The following DPEP2 variants were observed in gnomAD, a reference collection of about 807,000 sequenced individuals.
DPEP2 encodes dipeptidase 2.
Under a neutral mutation model 51.8 loss-of-function variants are expected in DPEP2, and 45 were observed. The observed-to-expected ratio is 0.87, with a 90% CI of 0.68 to 1.11. DPEP2 has a LOEUF of 1.11. Ranked by LOEUF, DPEP2 falls within the 50% of genes most tolerant of loss-of-function variation. The pLI, the probability that DPEP2 is intolerant of heterozygous loss-of-function variation, is 0.00. For missense variants in DPEP2, 604 were observed against 631.9 expected, an observed-to-expected ratio of 0.96 and a Z score of 0.47; for synonymous variants, 255 against 262.7, an observed-to-expected ratio of 0.97 and a Z score of 0.28.
chr16:67,992,200 G>T lies in DPEP2; in HGVS notation c.391-7C>A, dbSNP rs1413180898. On this transcript the variant is annotated splice_region_variant and splice_polypyrimidine_tract_variant and intron_variant, in intron 3 of 10. Transcript: ENST00000393847. ...GCACATAGGCTGACCAGAACTGGGG[G>T]GAAGGCCAGGGTTTGGCTTGGATGG... is the stretch of plus-strand genomic sequence containing the variant. The T allele has an allele frequency of 1.2e-6, 2 of 1,613,522 alleles. No homozygotes were observed. Among genetic ancestry groups the T allele is most frequent in the Non-Finnish European group, 1.7e-6 (2 of 1,179,630 alleles).
Position 67,991,331 on chromosome 16 carries a change from CAGG to C in DPEP2, c.663-150_663-148del. ...CCTGCAAATGGGCCATGCCTGGCAG[CAGG>C]AGGGCCCTGCTGGGTCCAGTCTTTT... On this transcript the variant is annotated intron_variant, in intron 5 of 10. Transcript: ENST00000393847. This position sits in a 1 kb window ranked among gnomAD's most constrained non-coding sequence, Gnocchi z 5.1. 1 of 707,926 alleles carries C rather than the reference CAGG, an allele frequency of 1.4e-6. No homozygotes were observed. The highest frequency in any genetic ancestry group is 2.3e-6 in the Non-Finnish European group (1 of 426,852). 43.9% of individuals were successfully genotyped at this position (707,926 alleles called of 1,614,324 possible). A position where few individuals can be genotyped will look rare whatever the true frequency, so the allele number is the denominator to read the frequency against.
At position 67,987,852 on chromosome 16, in the gene DPEP2, CT is replaced by C; in HGVS notation, c.1205del (p.Lys402ArgfsTer21). On this transcript the variant is annotated frameshift_variant and splice_region_variant, in exon 10 of 11. Coordinates refer to ENST00000393847, the MANE Select transcript of DPEP2 (RefSeq NM_022355.4). LOFTEE classifies it high-confidence loss of function. ...TACTCTCTTGCCCAGCCCAGAGTAC[CT>C]TTTCCACTTGTCTGAAGACCCGCAG... ...NLLRVFRQVEKVQEENKWQSP... is the reference protein window; with the variant it reads ...NLLRVFRQVEXVQEENKWQSP... 6.2e-7 allele frequency: 1 copy of C among 1,614,196 alleles called. No homozygotes were observed. Among genetic ancestry groups the C allele is most frequent in the East Asian group, 2.2e-5 (1 of 44,892 alleles).
chr16:68,000,559 A>AT, upstream of DPEP2: 4 of 892,840 alleles, frequency 4.5e-6, no homozygotes, highest in Non-Finnish European at 4.0e-6. Context: ...GATGTCTGAT[A>AT]CAGACAATTC....
upstream of DPEP2, among the ~76,000 whole-genome samples, chr16:68,000,031 C>T (rs909480386): frequency 6.6e-6 from 1 of 152,186 alleles, no homozygotes; most frequent in South Asian, 2.1e-4. Flanking sequence ...CTCTCACCAG[C>T]CTCTCCAGTC....
Position 67,988,079 on chromosome 16 carries a change from C to A in DPEP2, c.1071-92G>T. ...GGGTCTATGAAACCCCAGCCCTGGT[C>A]AGGTATGGGAAGTGGAGACTTGGAG... On this transcript the variant is annotated intron_variant, in intron 9 of 10. Transcript: ENST00000393847. 1.9e-6 allele frequency: 3 copies of A among 1,562,190 alleles called. No individual in the cohort carries two copies. In the South Asian group the frequency reaches 3.5e-5, roughly 18 times the overall value.
intron 9 of DPEP2, among the ~76,000 whole-genome samples, chr16:67,988,549 G>A (rs974601627): frequency 6.6e-6 from 1 of 151,646 alleles, no homozygotes; most frequent in Non-Finnish European, 1.5e-5. Flanking sequence ...GTTGCAGTGA[G>A]CCGAGATTGT....
At chr16:67,992,342 A>G in intron 3 of DPEP2, 149 bp from the exon 4 acceptor site, 1 of 1,437,600 alleles carries the variant, frequency 7.0e-7, no homozygotes, top group Non-Finnish European at 9.4e-7. Context: ...CTGGCCACCA[A>G]GCTGGCTCAC....
Position 67,992,961 on chromosome 16 carries a change from C to G in DPEP2, c.252G>C (p.Pro84=), listed in dbSNP as rs750591596. 1.2e-6 allele frequency: 2 copies of G among 1,610,992 alleles called. No homozygotes were observed. The highest frequency in any genetic ancestry group is 1.7e-5 in the Admixed American group (1 of 59,848). ...EQARALMRDF[P]LVDGHNDLPL... ...CAGCAATTACGCACCCGTCCACGAG[C>G]GGGAAGTCCCGCATCAGGGCCCGTG... The change falls in exon 2 of 11, where the codon CCG becomes CCC. Residue 84 remains proline (P), a synonymous_variant. Coordinates refer to ENST00000393847, the MANE Select transcript of DPEP2 (RefSeq NM_022355.4).
In DPEP2 at chr16:67,989,317, A is replaced by G; in HGVS notation, c.1070+6T>C. 1 of 1,614,094 alleles carries G rather than the reference A, an allele frequency of 6.2e-7. No homozygotes were observed. The highest frequency in any genetic ancestry group is 8.5e-7 in the Non-Finnish European group (1 of 1,179,990). ...GCCCAAGACAAGCCACAGGGAAGGC[A>G]CTCACTTGCCGGCCCCATCATAATC... On this transcript the variant is annotated splice_donor_region_variant and intron_variant, in intron 9 of 10. Coordinates refer to ENST00000393847, the MANE Select transcript of DPEP2 (RefSeq NM_022355.4).
At chr16:67,993,320 C>G (rs956153915) in intron 1 of DPEP2, 63 bp from the exon 2 acceptor site, 1 of 1,327,822 alleles carries the variant, frequency 7.5e-7, no homozygotes, top group Non-Finnish European at 9.6e-7. Context: ...TTCAGGCCAC[C>G]TGGCGGCGTG....
intron 9 of DPEP2, among the ~76,000 whole-genome samples, chr16:67,988,670 A>C (rs2031739804): frequency 6.6e-6 from 1 of 151,482 alleles, no homozygotes; most frequent in Non-Finnish European, 1.5e-5. Flanking sequence ...CTGTAATCCC[A>C]CACTTTAGGA....
chr16:67,989,545 T>C, intron 8 of DPEP2, 147 bp from the exon 9 acceptor site: 1 of 749,276 alleles, frequency 1.3e-6, no homozygotes, highest in Non-Finnish European at 2.2e-6. Context: ...CTTGGCAACC[T>C]GAGAACCCTG....
intron 1 of DPEP2, chr16:67,993,936 C>G: frequency 1.0e-6 from 1 of 985,574 alleles, no homozygotes; most frequent in African/African-American, 1.7e-5. Flanking sequence ...AGCACTCCTC[C>G]GCCCCCCGCC....
intron 1 of DPEP2, 135 bp downstream of exon 1, chr16:67,999,240 C>T (rs8057577): frequency 0.13 from 19,493 of 153,362 alleles, 1,343 homozygotes; most frequent in South Asian, 0.21. Flanking sequence ...ACTCCAGACG[C>T]ACTGCCTTAA....
Position 67,992,934 on chromosome 16 carries a change from T to G in DPEP2, c.263+16A>C, listed in dbSNP as rs1432255647. On this transcript the variant is annotated intron_variant, in intron 2 of 10. Coordinates refer to ENST00000393847, the MANE Select transcript of DPEP2 (RefSeq NM_022355.4). ...GTGTGCTCAGCTCCCATCGCCCCCTTGCAGCAATTACGCACCCGTCCACGA... is the reference window on the plus strand; with the variant it reads ...GTGTGCTCAGCTCCCATCGCCCCCTGGCAGCAATTACGCACCCGTCCACGA... 6.2e-7 allele frequency: 1 copy of G among 1,603,970 alleles called. No individual in the cohort carries two copies. Among genetic ancestry groups the G allele is most frequent in the South Asian group, 1.1e-5 (1 of 90,342 alleles).
rs376501465 is a variant in DPEP2 at position 67,990,853 on chromosome 16, G to C, written c.877C>G (p.Arg293Gly). 1.2e-6 allele frequency: 2 copies of C among 1,614,088 alleles called. No individual in the cohort carries two copies. Among genetic ancestry groups the C allele is most frequent in the South Asian group, 1.1e-5 (1 of 91,072 alleles). The change falls in exon 7 of 11, where the codon CGG (arginine) becomes GGG (glycine). Residue 293 changes from arginine to glycine, a missense_variant. Physicochemically the swap from Arg to Gly is moderately radical, Grantham distance 125 (BLOSUM62 -2). Transcript: ENST00000393847. ...SAARGVCNSA[R>G]NVPDDILQLL... ...TGCAGGATGTCATCAGGAACATTCC[G>C]AGCACTGTTGCACACACCCCGGGCA...
Position 67,992,971 on chromosome 16 carries a change from C to A in DPEP2, c.242G>T (p.Arg81Leu), listed in dbSNP as rs202239509. ...GCACCCGTCCACGAGCGGGAAGTCC[C>A]GCATCAGGGCCCGTGCCTGCTCTTG... ...GLQEQARALM[R>L]DFPLVDGHND... is the part of the protein sequence containing the mutation. The change falls in exon 2 of 11, where the codon CGG (arginine) becomes CTG (leucine). Residue 81 changes from arginine (R) to leucine (L), a missense_variant. Transcript: ENST00000393847. The A allele has an allele frequency of 1.2e-6, 2 of 1,611,598 alleles. No homozygotes were observed. Among genetic ancestry groups the A allele is most frequent in the Non-Finnish European group, 1.7e-6 (2 of 1,178,836 alleles).
At chr16:68,000,329 C>T (rs1051751868), upstream of DPEP2, 5 of 573,990 alleles carry the variant, frequency 8.7e-6, no homozygotes, top group Non-Finnish European at 1.1e-5. Context: ...TCACTCGCCC[C>T]TACTCATCTC....
intron 7 of DPEP2, among the ~76,000 whole-genome samples, chr16:67,990,612 T>C (rs1226432929): frequency 6.6e-6 from 1 of 152,116 alleles, no homozygotes; most frequent in African/African-American, 2.4e-5. Flanking sequence ...TACAGGAATA[T>C]GCCATCACAC....
Sources: allele counts gnomAD v4.1 joint callset (sites outside exome capture counted in the v4.1 genomes callset), GRCh38; gene constraint gnomAD v4.1.1; non-coding constraint Gnocchi (gnomAD v3.1); transcripts MANE v1.5; gene names NCBI Gene and HGNC (gene_info 2026-07-23, HGNC 2026-07-21).